Variants in BRINP3 observed in about 807,000 individuals in gnomAD.
BRINP3 encodes the protein BMP/retinoic acid inducible neural specific 3.
Under a neutral mutation model 71.0 loss-of-function variants are expected in BRINP3, and 19 were observed. That is an observed-to-expected ratio of 0.27 (90% CI 0.19 to 0.39). The LOEUF (loss-of-function observed/expected upper bound fraction) is 0.39, where lower values mean the gene tolerates loss of function less well. Among genes scored for constraint, BRINP3 ranks in the 10% least tolerant of loss-of-function variants. BRINP3 has a pLI of 1.00. For missense variants in BRINP3, 959 were observed against 940.8 expected (o/e 1.02, Z -0.25); for synonymous variants, 380 against 337.7 (o/e 1.13, Z -1.37).
In BRINP3 at chr1:190,346,495, A is replaced by T. The variant is rs74130709; in HGVS notation, c.237-64745T>A. Among the ~76,000 whole-genome samples, 1,098 of 152,058 alleles carry T rather than the reference A, an allele frequency of 7.2e-3. 16 individuals carry two copies. Among genetic ancestry groups the T allele is most frequent in the African/African-American group, 0.025 (1,025 of 41,524 alleles). ...AATCTCAAACACTTTTTCGTTTTTA[A>T]AAAAACTCTTAGGTCTTGAGTGTTC... On this transcript the variant is annotated intron_variant, in intron 2 of 7. Transcript: ENST00000367462.
At chr1:190,244,794 C>T (rs1389712810) in intron 4 of BRINP3, among the ~76,000 whole-genome samples, 2 of 151,972 alleles carry the variant, frequency 1.3e-5, no homozygotes, top group Non-Finnish European at 2.9e-5. Flanking sequence ...ATGTAGGAGC[C>T]AGTATAGTAT....
chr1:190,298,715 G>T (rs183279855), intron 2 of BRINP3, among the ~76,000 whole-genome samples: 1 of 152,102 alleles, frequency 6.6e-6, no homozygotes, highest in East Asian at 1.9e-4. Context: ...TATTAGTTGA[G>T]ATTTGTCTCA....
intron 2 of BRINP3, among the ~76,000 whole-genome samples, chr1:190,395,071 T>G (rs1671484425): frequency 6.6e-6 from 1 of 151,780 alleles, no homozygotes; most frequent in Admixed American, 6.6e-5. Flanking sequence ...AGAATATATC[T>G]TGTGTATCAA....
intron 2 of BRINP3, among the ~76,000 whole-genome samples, chr1:190,408,287 G>A (rs1364535651): frequency 1.3e-5 from 2 of 151,432 alleles, no homozygotes; most frequent in African/African-American, 2.4e-5. Context: ...CTTGAGATCC[G>A]CCCACCTCGG....
intron 7 of BRINP3, among the ~76,000 whole-genome samples, chr1:190,136,091 G>A (rs1454585964): frequency 6.6e-6 from 1 of 151,850 alleles, no homozygotes; most frequent in African/African-American, 2.4e-5. Flanking sequence ...CACATGCCCT[G>A]GTTTCCTATT....
At chr1:190,288,938 G>A (rs1207312692) in intron 2 of BRINP3, among the ~76,000 whole-genome samples, 1 of 151,796 alleles carries the variant, frequency 6.6e-6, no homozygotes, top group Non-Finnish European at 1.5e-5. Flanking sequence ...AATGTTTGCT[G>A]ACAATTTCTT....
intron 7 of BRINP3, among the ~76,000 whole-genome samples, chr1:190,135,586 TGC>T (rs1486935594): frequency 6.6e-6 from 1 of 152,114 alleles, no homozygotes; most frequent in African/African-American, 2.4e-5. Context: ...ACAATAATCA[TGC>T]CAATGACAAA....
chr1:190,329,956 C>G (rs1666858206), intron 2 of BRINP3, among the ~76,000 whole-genome samples: 2 of 151,594 alleles, frequency 1.3e-5, no homozygotes, highest in Admixed American at 1.3e-4. Flanking sequence ...GAAACTGGAC[C>G]CATACCATTC....
chr1:190,459,334 T>C (rs2102651743), intron 1 of BRINP3, among the ~76,000 whole-genome samples: 1 of 151,920 alleles, frequency 6.6e-6, no homozygotes, highest in South Asian at 2.1e-4. Context: ...ATGATTATTC[T>C]TTCTTACTAG....
chr1:190,361,436 C>T (rs1371325936), intron 2 of BRINP3, among the ~76,000 whole-genome samples: 1 of 151,946 alleles, frequency 6.6e-6, no homozygotes, highest in African/African-American at 2.4e-5. Context: ...TGAAGTCTTG[C>T]TCTGTCACCA....
At position 190,371,687 on chromosome 1, in the gene BRINP3, T is replaced by C. The variant is rs1669877995; in HGVS notation, c.236+82968A>G. 2.0e-5 allele frequency among the ~76,000 whole-genome samples: 3 copies of C among 152,330 alleles called. No individual in the cohort carries two copies. The South Asian group carries it at 6.2e-4, about 32-fold the overall frequency. On this transcript the variant is annotated intron_variant, in intron 2 of 7. Transcript: ENST00000367462. ...GTTCCATATTAATTTTAGGATTAAGTTTTTCTAGTCCCTTGAGAAATGTTC... is the reference window on the plus strand; with the variant it reads ...GTTCCATATTAATTTTAGGATTAAGCTTTTCTAGTCCCTTGAGAAATGTTC...
intron 1 of BRINP3, among the ~76,000 whole-genome samples, chr1:190,458,189 C>G (rs998124850): frequency 2.8e-4 from 42 of 151,936 alleles, no homozygotes; most frequent in African/African-American, 8.9e-4. Context: ...CACTTCTGTA[C>G]AGAAATAATT....
intron 2 of BRINP3, among the ~76,000 whole-genome samples, chr1:190,409,974 A>G (rs180982904): frequency 3.3e-5 from 5 of 152,172 alleles, no homozygotes; most frequent in Admixed American, 3.3e-4. Context: ...AATGGCAAGA[A>G]TTGGTTTCTC....
intron 4 of BRINP3, among the ~76,000 whole-genome samples, chr1:190,253,991 C>T (rs1216066319): frequency 6.6e-6 from 1 of 152,070 alleles, no homozygotes; most frequent in Non-Finnish European, 1.5e-5. Flanking sequence ...ATATGGCTAG[C>T]CAGTTTTCCC....
chr1:190,477,089 T>G (rs1677549050), intron 1 of BRINP3, among the ~76,000 whole-genome samples: 1 of 152,126 alleles, frequency 6.6e-6, no homozygotes, highest in Admixed American at 6.5e-5. Context: ...AGCTCTCTCT[T>G]AGATAAACCT....
At chr1:190,140,005 A>G (rs889407622) in intron 7 of BRINP3, among the ~76,000 whole-genome samples, 1 of 152,216 alleles carries the variant, frequency 6.6e-6, no homozygotes, top group Non-Finnish European at 1.5e-5. Context: ...ATTCCAAAAG[A>G]CAATTTCTAA....
At chr1:190,277,086 T>G (rs1388005493) in intron 3 of BRINP3, among the ~76,000 whole-genome samples, 3 of 99,092 alleles carry the variant, frequency 3.0e-5, no homozygotes, top group African/African-American at 1.1e-4. Context: ...AAATTTTGGT[T>G]TTATATATAT....
chr1:190,439,457 C>A (rs906344695), intron 2 of BRINP3, among the ~76,000 whole-genome samples: 2 of 151,638 alleles, frequency 1.3e-5, no homozygotes, highest in African/African-American at 4.8e-5. Context: ...CTTTAAAAAC[C>A]AGATCAAAAT....
At chr1:190,369,198 A>T (rs1669699005) in intron 2 of BRINP3, among the ~76,000 whole-genome samples, 1 of 152,298 alleles carries the variant, frequency 6.6e-6, no homozygotes, top group East Asian at 1.9e-4. Context: ...CTGAGATTAA[A>T]TATCTTTTGT....
Sources: allele counts gnomAD v4.1 joint callset (sites outside exome capture counted in the v4.1 genomes callset), GRCh38; gene constraint gnomAD v4.1.1; transcripts MANE v1.5; gene names NCBI Gene and HGNC (gene_info 2026-07-23, HGNC 2026-07-21).